IGSF9B: variants seen among roughly 807,000 people sequenced by gnomAD.
IGSF9B encodes immunoglobulin superfamily member 9B, also known as protein turtle homolog B.
A neutral mutation model predicts 143.7 loss-of-function variants in IGSF9B; 48 were observed. The observed-to-expected ratio is 0.33, with a 90% CI of 0.26 to 0.42. The LOEUF is 0.42. Among genes scored for constraint, IGSF9B ranks in the 20% least tolerant of loss-of-function variants. IGSF9B has a pLI of 1.00. For synonymous variants in IGSF9B, 903 were observed against 833.1 expected (o/e 1.08, Z -1.44); for missense variants, 1,706 against 1,980.0 (o/e 0.86, Z 2.63).
At position 133,946,197 on chromosome 11, in the gene IGSF9B, G is replaced by A. The variant is rs1299412842; in HGVS notation, c.126C>T (p.Val42=). The change falls in exon 2 of 20, where the codon GTC becomes GTT. Residue 42 remains valine, a synonymous_variant. Transcript: ENST00000533871. ...CTGGGTGGATCACGTCGCATCGCAGGACCACGCTCTCCCCAGCTCTTGCCG... is the reference window on the plus strand; with the variant it reads ...CTGGGTGGATCACGTCGCATCGCAGAACCACGCTCTCCCCAGCTCTTGCCG... ...FVTARAGESV[V]LRCDVIHPVT... is the part of the protein sequence containing the mutation. 1 of 1,613,624 alleles carries A rather than the reference G, an allele frequency of 6.2e-7. No individual in the cohort carries two copies.
chr11:133,921,099 C>G lies in IGSF9B; in HGVS notation c.2626G>C (p.Gly876Arg), dbSNP rs745618211. The G allele has an allele frequency of 6.2e-7, 1 of 1,613,732 alleles. No individual in the cohort carries two copies. The change falls in exon 18 of 20, where the codon GGC (glycine) becomes CGC (arginine). Residue 876 changes from glycine to arginine, a missense_variant. Gly to Arg is a moderately radical substitution (Grantham distance 125). Transcript: ENST00000533871. ...EPSLKSRRIE[G>R]FPFAEETDMY... ...TCCGTCTCCTCGGCGAAGGGGAAGC[C>G]CTCGATGCGCCTGCTCTTCAGCGAG...
At chr11:133,923,000 T>C (rs1180733800) in intron 15 of IGSF9B, among the ~76,000 whole-genome samples, 1 of 152,216 alleles carries the variant, frequency 6.6e-6, no homozygotes, top group Non-Finnish European at 1.5e-5. Flanking sequence ...TCAAGAGTAA[T>C]CTATACTTAT....
In IGSF9B at chr11:133,904,222, G is replaced by A. The variant is rs190692767; in HGVS notation, c.*4847C>T. On this transcript the variant is annotated 3_prime_UTR_variant, in exon 20 of 20. Coordinates refer to ENST00000533871, the MANE Select transcript of IGSF9B (RefSeq NM_001277285.4). ...CACCATCACCATCACCAAGGCCCAT[G>A]AACATTTTCAGATTGTGGACGGAGA... 2.6e-5 allele frequency among the ~76,000 whole-genome samples: 4 copies of A among 152,228 alleles called. No individual in the cohort carries two copies. The highest frequency in any genetic ancestry group is 2.6e-4 in the Admixed American group (4 of 15,296).
chr11:133,902,915 G>A lies in IGSF9B; in HGVS notation c.*6154C>T, dbSNP rs1398451580. 6.6e-6 allele frequency among the ~76,000 whole-genome samples: 1 copy of A among 152,094 alleles called. No homozygotes were observed. Among genetic ancestry groups the A allele is most frequent in the African/African-American group, 2.4e-5 (1 of 41,408 alleles). On this transcript the variant is annotated 3_prime_UTR_variant, in exon 20 of 20. Transcript: ENST00000533871. ...GGGTTCTACCACCAGCGTGAGGAGG[G>A]CTGGGCACTCGCCCCTCCCATGGCT... is the stretch of plus-strand genomic sequence containing the variant.
chr11:133,917,272 TTCGGGTGG>T (rs1404490189), intron 18 of IGSF9B, among the ~76,000 whole-genome samples: 1 of 152,146 alleles, frequency 6.6e-6, no homozygotes, highest in African/African-American at 2.4e-5. Flanking sequence ...GGGAGCGAGC[TTCGGGTGG>T]CCCTGAGTCT....
In IGSF9B at chr11:133,917,632, G is replaced by A. The variant is rs79378910; in HGVS notation, c.3983+2110C>T. Among the ~76,000 whole-genome samples, 933 of 152,246 alleles carry A rather than the reference G, an allele frequency of 6.1e-3. 15 individuals are homozygous for A. Among genetic ancestry groups the A allele is most frequent in the African/African-American group, 0.021 (888 of 41,558 alleles). ...AAGGCAAGGAGCACAGGGGAGTGAT[G>A]ACATTTCGCTACAAAGCCCCATAGG... On this transcript the variant is annotated intron_variant, in intron 18 of 19. Transcript: ENST00000533871.
intron 18 of IGSF9B, among the ~76,000 whole-genome samples, chr11:133,917,890 A>G (rs1939419336): frequency 6.6e-6 from 1 of 152,036 alleles, no homozygotes; most frequent in Admixed American, 6.5e-5. Context: ...GGGTGCAGAG[A>G]TGCAAAGCAG....
chr11:133,931,746 GCCT>G lies in IGSF9B; in HGVS notation c.1157_1159del (p.Glu386del), dbSNP rs760689846. The G allele has an allele frequency of 4.2e-5, 67 of 1,611,820 alleles. No individual in the cohort carries two copies. The highest frequency in any genetic ancestry group is 5.0e-5 in the Non-Finnish European group (59 of 1,179,308). ...ATAAGTGCCAAGAGCCTCCTCTGTG[GCCT>G]CCTCAATTCGAATGGAGCCATCCTC... On this transcript the variant is annotated inframe_deletion, in exon 9 of 20. Transcript: ENST00000533871. The surrounding 1 kb of genome is among the most constrained non-coding windows in gnomAD (Gnocchi z 7.7).
Position 133,920,509 on chromosome 11 carries a change from G to A in IGSF9B, c.3216C>T (p.Pro1072=). 1 of 1,597,336 alleles carries A rather than the reference G, an allele frequency of 6.3e-7. No homozygotes were observed. Among genetic ancestry groups the A allele is most frequent in the Non-Finnish European group, 8.5e-7 (1 of 1,171,270 alleles). ...PPCDVPESLQ[P]KAGLPRGLPP... is the part of the protein sequence containing the mutation. The stretch of plus-strand genomic sequence containing the variant: ...GCAGTCCTCGGGGGAGGCCGGCCTT[G>A]GGCTGCAGACTCTCGGGCACATCAC... Residue 1072 remains proline, a synonymous_variant, in exon 18 of 20, where the codon CCC becomes CCT. Coordinates refer to ENST00000533871, the MANE Select transcript of IGSF9B (RefSeq NM_001277285.4).
intron 1 of IGSF9B, among the ~76,000 whole-genome samples, chr11:133,954,456 T>A (rs1024063754): frequency 2.6e-5 from 4 of 152,104 alleles, no homozygotes; most frequent in African/African-American, 7.2e-5. Flanking sequence ...CATTCTCAGC[T>A]CCTAGTGCCC....
rs192162051 is a variant in IGSF9B, at chr11:133,903,821, G to A, written c.*5248C>T. Among the ~76,000 whole-genome samples, 633 of 152,340 alleles carry A rather than the reference G, an allele frequency of 4.2e-3. 1 individual carries two copies. Among genetic ancestry groups the A allele is most frequent in the Non-Finnish European group, 7.0e-3 (479 of 68,030 alleles). On this transcript the variant is annotated 3_prime_UTR_variant, in exon 20 of 20. Transcript: ENST00000533871. ...ACCAGTGTGGATTCACTCGCAGTCA[G>A]AGGGAAGGGTGGTGATTGGTACCCC...
chr11:133,951,481 G>T (rs538380889), intron 1 of IGSF9B, among the ~76,000 whole-genome samples: 1 of 152,232 alleles, frequency 6.6e-6, no homozygotes, highest in African/African-American at 2.4e-5. Context: ...CTTCTGCGGG[G>T]GCCGCTCCGG....
rs547398366 is a variant in IGSF9B at position 133,956,482 on chromosome 11, G to A, written c.64+209C>T. Among the ~76,000 whole-genome samples, 9 of 151,012 alleles carry A rather than the reference G, an allele frequency of 6.0e-5. No homozygotes were observed. The East Asian group carries it at 1.8e-3, about 30-fold the overall frequency. On this transcript the variant is annotated intron_variant, in intron 1 of 19. Coordinates refer to ENST00000533871, the MANE Select transcript of IGSF9B (RefSeq NM_001277285.4). ...AGCCCGTGGGCTCTGGCCCCTTCCC[G>A]CCCGCCCCTCCAGCCCACGGCCCCC...
At chr11:133,937,749 A>C in intron 4 of IGSF9B, 61 bp downstream of exon 4, 1 of 1,559,468 alleles carries the variant, frequency 6.4e-7, no homozygotes, top group Non-Finnish European at 8.7e-7. Context: ...CTGCAGTAGG[A>C]GGCTGCCCTG....
Position 133,908,806 on chromosome 11 carries a change from G to A in IGSF9B, c.*263C>T. 1 of 428,246 alleles carries A rather than the reference G, an allele frequency of 2.3e-6. No individual in the cohort carries two copies. The highest frequency in any genetic ancestry group is 4.2e-6 in the Non-Finnish European group (1 of 238,302). 26.5% of individuals were successfully genotyped at this position (428,246 alleles called of 1,614,324 possible). A position where few individuals can be genotyped will look rare whatever the true frequency, so the allele number is the denominator to read the frequency against. Reference sequence around the variant, plus strand: ...AGAAAAATCAACCTAGTGAAGCAGGGGGCGGAGGGGAGGAGACAGGTGTTG... The same window carrying A: ...AGAAAAATCAACCTAGTGAAGCAGGAGGCGGAGGGGAGGAGACAGGTGTTG... On this transcript the variant is annotated 3_prime_UTR_variant, in exon 20 of 20. Coordinates refer to ENST00000533871, the MANE Select transcript of IGSF9B (RefSeq NM_001277285.4).
intron 13 of IGSF9B, 46 bp downstream of exon 13, chr11:133,926,870 C>T: frequency 6.6e-7 from 1 of 1,504,090 alleles, no homozygotes; most frequent in Non-Finnish European, 9.0e-7. Flanking sequence ...ACCGCCCCCA[C>T]CACCTCTACA....
At position 133,956,675 on chromosome 11, in the gene IGSF9B, C is replaced by T; in HGVS notation, c.64+16G>A. 6.5e-7 allele frequency: 1 copy of T among 1,527,410 alleles called. No homozygotes were observed. Among genetic ancestry groups the T allele is most frequent in the Non-Finnish European group, 8.8e-7 (1 of 1,134,742 alleles). The allele number at this position is 1,527,410 out of a possible 1,614,324, so 94.6% of individuals were successfully genotyped here. A position where few individuals can be genotyped will look rare whatever the true frequency, so the allele number is the denominator to read the frequency against. On this transcript the variant is annotated intron_variant, in intron 1 of 19. Transcript: ENST00000533871. ...CGCCGGGAGGGGCAGGGGAGGGACGCCGCACTTCAACTCACCTTCAGCCGC... is the reference window on the plus strand; with the variant it reads ...CGCCGGGAGGGGCAGGGGAGGGACGTCGCACTTCAACTCACCTTCAGCCGC...
In IGSF9B at chr11:133,897,720, AAT is replaced by A. The variant is rs1350845349; in HGVS notation, c.*11347_*11348del. 2.6e-5 allele frequency: 4 copies of A among 152,220 alleles called. No individual in the cohort carries two copies. The highest frequency in any genetic ancestry group is 5.9e-5 in the Non-Finnish European group (4 of 68,050). 9.4% of individuals were successfully genotyped at this position (152,220 alleles called of 1,614,324 possible). A position where few individuals can be genotyped will look rare whatever the true frequency, so the allele number is the denominator to read the frequency against. On this transcript the variant is annotated 3_prime_UTR_variant, in exon 20 of 20. Transcript: ENST00000533871. ...AGAAGAAAAAAAAGCTTACTGAAAA[AAT>A]AGTGGTTTTATTTACTTTTGAGTTA...
In IGSF9B at chr11:133,901,295, G is replaced by A. The variant is rs1591703460; in HGVS notation, c.*7774C>T. ...CAAAGGAAGAGCAGGGAAGGAGGTGGCGTCAAGGCATGAGCTAGTATCCCA... is the reference window on the plus strand; with the variant it reads ...CAAAGGAAGAGCAGGGAAGGAGGTGACGTCAAGGCATGAGCTAGTATCCCA... On this transcript the variant is annotated 3_prime_UTR_variant, in exon 20 of 20. Transcript: ENST00000533871. 6.6e-6 allele frequency: 1 copy of A among 152,228 alleles called. No homozygotes were observed. The highest frequency in any genetic ancestry group is 1.5e-5 in the Non-Finnish European group (1 of 68,048). 9.4% of individuals were successfully genotyped at this position (152,228 alleles called of 1,614,324 possible).
Sources: gnomAD v4.1 joint callset for allele counts (sites outside exome capture counted in the v4.1 genomes callset) on GRCh38, gnomAD v4.1.1 for gene constraint, Gnocchi (gnomAD v3.1) non-coding constraint, MANE v1.5 for transcripts, NCBI Gene and HGNC (gene_info 2026-07-23, HGNC 2026-07-21) for gene names.